Variants in LRP1B observed in about 807,000 individuals in gnomAD.
The protein encoded by LRP1B is LDL receptor related protein 1B.
A neutral mutation model predicts 556.6 loss-of-function variants in LRP1B; 217 were observed. The ratio of observed to expected loss-of-function variants is 0.39; its 90% CI spans 0.35 to 0.44. The LOEUF (loss-of-function observed/expected upper bound fraction) is 0.44, where lower values mean the gene tolerates loss of function less well. Ranked by LOEUF, LRP1B falls within the 20% of genes least tolerant of loss-of-function variation. The probability of loss-of-function intolerance (pLI) is 1.00; values close to 1 mark genes in which losing one functional copy is unlikely to be tolerated. For synonymous variants in LRP1B, 2,047 were observed against 1,865.8 expected (o/e 1.10, Z -2.50); for missense variants, 5,053 against 5,620.8 (o/e 0.90, Z 3.23).
At chr2:140,735,750 A>C (rs1251930420) in intron 35 of LRP1B, among the ~76,000 whole-genome samples, 1 of 152,112 alleles carries the variant, frequency 6.6e-6, no homozygotes, top group African/African-American at 2.4e-5. Context: ...ACATGCACTC[A>C]CTTTCTGTCC....
intron 2 of LRP1B, among the ~76,000 whole-genome samples, chr2:141,517,547 TCC>T: frequency 6.6e-6 from 1 of 152,206 alleles, no homozygotes; most frequent in East Asian, 1.9e-4. Flanking sequence ...TTAACAGGAA[TCC>T]CATCTTCTGA....
rs1262515909 is a variant in LRP1B, at chr2:140,770,976, C to T, written c.5531G>A (p.Gly1844Glu). ...GSNSCQLNNG[G>E]CSQLCLPTSE... ...TGTTGGTAAACAAAGTTGAGAGCAT[C>T]CACCATTGTTTAGTTGGCAGGAATT... is the stretch of plus-strand genomic sequence containing the variant. Residue 1844 changes from glycine to glutamate, a missense_variant, in exon 34 of 91, where the codon GGA becomes GAA. Gly to Glu is a moderately conservative substitution (Grantham distance 98). Coordinates refer to ENST00000389484, the MANE Select transcript of LRP1B (RefSeq NM_018557.3). The T allele has an allele frequency of 1.9e-6, 3 of 1,583,478 alleles. No homozygotes were observed. The highest frequency in any genetic ancestry group is 1.7e-4 in the Middle Eastern group (1 of 6,026).
chr2:140,809,846 G>A (rs1690856234), intron 32 of LRP1B, among the ~76,000 whole-genome samples: 1 of 152,122 alleles, frequency 6.6e-6, no homozygotes, highest in Non-Finnish European at 1.5e-5. Flanking sequence ...GGCTGCTTGA[G>A]TGTCCTCATA....
At chr2:141,030,204 A>G (rs770662163) in intron 11 of LRP1B, among the ~76,000 whole-genome samples, 6 of 152,132 alleles carry the variant, frequency 3.9e-5, no homozygotes, top group Admixed American at 6.5e-5. Context: ...CTTTTTTCAA[A>G]TATGCAGTCT....
chr2:141,931,047 A>G (rs1220787664), intron 1 of LRP1B, among the ~76,000 whole-genome samples: 1 of 152,058 alleles, frequency 6.6e-6, no homozygotes, highest in African/African-American at 2.4e-5. Flanking sequence ...ATGAATAAAC[A>G]TGTCTGCACA....
chr2:142,035,556 G>T (rs1703846906), intron 1 of LRP1B, among the ~76,000 whole-genome samples: 1 of 151,476 alleles, frequency 6.6e-6, no homozygotes, highest in South Asian at 2.1e-4. Context: ...TCCTTTATAA[G>T]TTACTTTCTT....
At chr2:140,322,547 T>C (rs1185072783) in intron 81 of LRP1B, among the ~76,000 whole-genome samples, 1 of 119,866 alleles carries the variant, frequency 8.3e-6, no homozygotes, top group Non-Finnish European at 1.7e-5. Context: ...ATAAAAAGGA[T>C]GAAAATGCAT....
At chr2:140,686,322 GAT>G (rs1686051408) in intron 41 of LRP1B, among the ~76,000 whole-genome samples, 1 of 151,932 alleles carries the variant, frequency 6.6e-6, no homozygotes, top group Non-Finnish European at 1.5e-5. Context: ...TGTTGTTCAT[GAT>G]ATATAGAAAA....
intron 1 of LRP1B, among the ~76,000 whole-genome samples, chr2:142,072,416 C>T (rs907750377): frequency 6.6e-6 from 1 of 151,938 alleles, no homozygotes; most frequent in African/African-American, 2.4e-5. Flanking sequence ...CTTATTTTCT[C>T]AAGGACTAAG....
intron 2 of LRP1B, among the ~76,000 whole-genome samples, chr2:141,709,039 T>C (rs146236325): frequency 1.0e-3 from 153 of 152,206 alleles, no homozygotes; most frequent in Non-Finnish European, 1.7e-3. Flanking sequence ...ATATAACTTT[T>C]ATAGTCTTTT....
intron 6 of LRP1B, among the ~76,000 whole-genome samples, chr2:141,218,334 T>G (rs879336789): frequency 2.0e-5 from 3 of 152,152 alleles, no homozygotes; most frequent in Admixed American, 1.3e-4. Flanking sequence ...CACATGCATG[T>G]GTACATACAT....
intron 41 of LRP1B, among the ~76,000 whole-genome samples, chr2:140,654,025 CAAAAAA>C (rs61199077): frequency 0.03 from 1,042 of 35,238 alleles, 6 homozygotes; most frequent in African/African-American, 0.088. Context: ...GACTCCATCT[CAAAAAA>C]AAAAAAAAAA....
chr2:140,238,179 A>G lies in LRP1B; in HGVS notation c.13533T>C (p.Asp4511=), dbSNP rs1364164479. ...TTGTTGGGTCTATCATAAAGCCAGGATCTAAAAGACCTCCATCGTTGTGAT... is the reference window on the plus strand; with the variant it reads ...TTGTTGGGTCTATCATAAAGCCAGGGTCTAAAAGACCTCCATCGTTGTGAT... ...DHDHNDGGLL[D]PGFMIDPTKA... The change falls in exon 89 of 91, where the codon GAT becomes GAC. Residue 4511 remains aspartate, a synonymous_variant. Coordinates refer to ENST00000389484, the MANE Select transcript of LRP1B (RefSeq NM_018557.3). 1.9e-6 allele frequency: 3 copies of G among 1,604,828 alleles called. No individual in the cohort carries two copies. The highest frequency in any genetic ancestry group is 1.3e-5 in the African/African-American group (1 of 74,226).
At chr2:141,618,282 C>T (rs1010951031) in intron 2 of LRP1B, among the ~76,000 whole-genome samples, 4 of 152,126 alleles carry the variant, frequency 2.6e-5, no homozygotes, top group Non-Finnish European at 5.9e-5. Context: ...TAGTTCCTTC[C>T]ACAGATTCCT....
intron 86 of LRP1B, among the ~76,000 whole-genome samples, chr2:140,261,793 A>T (rs979933003): frequency 5.3e-5 from 8 of 152,000 alleles, no homozygotes; most frequent in African/African-American, 1.7e-4. Context: ...TACATGAAGG[A>T]ACTGAACGGA....
At chr2:141,877,014 G>T (rs766479363) in intron 1 of LRP1B, among the ~76,000 whole-genome samples, 112 of 151,876 alleles carry the variant, frequency 7.4e-4, no homozygotes, top group African/African-American at 2.6e-3. Flanking sequence ...GAAAAGGCAA[G>T]AAATATTTTC....
chr2:140,475,203 C>A lies in LRP1B; in HGVS notation c.9560G>T (p.Arg3187Ile). 1 of 1,611,672 alleles carries A rather than the reference C, an allele frequency of 6.2e-7. No individual in the cohort carries two copies. The highest frequency in any genetic ancestry group is 8.5e-7 in the Non-Finnish European group (1 of 1,178,576). The change falls in exon 60 of 91, where the codon AGA (arginine) becomes ATA (isoleucine). Residue 3187 changes from arginine to isoleucine, a missense_variant. Coordinates refer to ENST00000389484, the MANE Select transcript of LRP1B (RefSeq NM_018557.3). ...MALTIDYVNR[R>I]LYWADENHIE... ...GTGATTTTCATCGGCCCAGTAGAGT[C>A]TACGATTAACATAATCTATTGTTAG...
intron 29 of LRP1B, among the ~76,000 whole-genome samples, chr2:140,841,979 T>C (rs1692121738): frequency 6.6e-6 from 1 of 152,216 alleles, no homozygotes; most frequent in East Asian, 1.9e-4. Context: ...TAGCATTCTG[T>C]ACTTATAGAG....
intron 1 of LRP1B, among the ~76,000 whole-genome samples, chr2:141,856,832 C>T (rs556570880): frequency 6.6e-6 from 1 of 151,974 alleles, no homozygotes; most frequent in African/African-American, 2.4e-5. Context: ...GTTAGTTCTT[C>T]CTGAACTTGG....
Sources: allele counts gnomAD v4.1 joint callset (sites outside exome capture counted in the v4.1 genomes callset), GRCh38; gene constraint gnomAD v4.1.1; transcripts MANE v1.5; gene names NCBI Gene and HGNC (gene_info 2026-07-23, HGNC 2026-07-21).